DIXDC1: variants seen among roughly 807,000 people sequenced by gnomAD.
DIXDC1 encodes DIX domain containing 1, also known as dixin.
Under a neutral mutation model 103.1 loss-of-function variants are expected in DIXDC1, and 64 were observed. That is an observed-to-expected ratio of 0.62 (90% CI 0.51 to 0.76). The LOEUF (loss-of-function observed/expected upper bound fraction) is 0.76. Ranked by LOEUF, DIXDC1 falls within the 30% of genes least tolerant of loss-of-function variation. The pLI is 0.00. For synonymous variants in DIXDC1, 266 were observed against 298.5 expected, an observed-to-expected ratio of 0.89 and a Z score of 1.12; for missense variants, 759 against 834.2, an observed-to-expected ratio of 0.91 and a Z score of 1.11.
intron 3 of DIXDC1, among the ~76,000 whole-genome samples, chr11:111,971,943 G>A (rs1859950232): frequency 6.6e-6 from 1 of 152,074 alleles, no homozygotes; most frequent in African/African-American, 2.4e-5. Context: ...CATAAAGATG[G>A]GAACAATAGA....
intron 10 of DIXDC1, among the ~76,000 whole-genome samples, chr11:111,991,961 A>G (rs1158265709): frequency 6.6e-6 from 1 of 152,178 alleles, no homozygotes; most frequent in African/African-American, 2.4e-5. Flanking sequence ...AAAACAGCTA[A>G]TCTAGATTGA....
chr11:112,009,731 C>T (rs1592629040), intron 17 of DIXDC1, among the ~76,000 whole-genome samples: 7 of 152,138 alleles, frequency 4.6e-5, no homozygotes, highest in Admixed American at 4.6e-4. Flanking sequence ...TCAATAGATG[C>T]AGAAAAGGCC....
chr11:111,946,624 G>A (rs1289994700), intron 1 of DIXDC1: 7 of 235,142 alleles, frequency 3.0e-5, no homozygotes, highest in African/African-American at 1.6e-4. Context: ...GCCTCCCAAA[G>A]TGCTAGAATT....
chr11:111,982,526 T>C (rs782569503), intron 7 of DIXDC1, 39 bp downstream of exon 7: 1 of 1,598,754 alleles, frequency 6.3e-7, no homozygotes, highest in Non-Finnish European at 8.5e-7. Context: ...GTTATACCAA[T>C]TGATTATTAA....
intron 16 of DIXDC1, 33 bp from the exon 17 acceptor site, chr11:111,996,047 C>A: frequency 6.2e-7 from 1 of 1,607,368 alleles, no homozygotes; most frequent in South Asian, 1.1e-5. Flanking sequence ...TCTCATTGAT[C>A]ATAACTCTTG....
intron 11 of DIXDC1, 70 bp downstream of exon 11, chr11:111,992,589 AT>A: frequency 7.5e-7 from 1 of 1,331,800 alleles, no homozygotes; most frequent in Non-Finnish European, 1.0e-6. Flanking sequence ...ACGAAGAACT[AT>A]TAGACTGGCC....
chr11:111,966,432 C>A (rs2137514030), intron 2 of DIXDC1, among the ~76,000 whole-genome samples: 2 of 122,962 alleles, frequency 1.6e-5, no homozygotes, highest in Non-Finnish European at 1.6e-5. Flanking sequence ...GAGACGGAGT[C>A]TCGCTCTGTG....
chr11:111,939,172 CTGTT>C (rs1416650700), intron 1 of DIXDC1, among the ~76,000 whole-genome samples: 12 of 152,242 alleles, frequency 7.9e-5, no homozygotes, highest in Admixed American at 2.0e-4. Flanking sequence ...GTCCCACTGT[CTGTT>C]TAAGAGGAGG....
At chr11:111,964,181 G>T (rs962710440) in intron 1 of DIXDC1, among the ~76,000 whole-genome samples, 13 of 152,194 alleles carry the variant, frequency 8.5e-5, no homozygotes, top group Non-Finnish European at 1.8e-4. Flanking sequence ...GTTGCTGGCA[G>T]TCGTGAATAG....
At chr11:112,008,070 G>T (rs1861293177) in intron 17 of DIXDC1, among the ~76,000 whole-genome samples, 1 of 149,646 alleles carries the variant, frequency 6.7e-6, no homozygotes, top group South Asian at 2.1e-4. Context: ...CATATCACGT[G>T]CAGAGACACA....
At chr11:111,970,138 G>A (rs782272923) in intron 3 of DIXDC1, among the ~76,000 whole-genome samples, 4 of 152,100 alleles carry the variant, frequency 2.6e-5, no homozygotes, top group Admixed American at 1.3e-4. Context: ...TCACTGCAAC[G>A]TCCGCCTCCT....
At chr11:112,011,281 G>A (rs1168834510) in intron 17 of DIXDC1, among the ~76,000 whole-genome samples, 5 of 152,138 alleles carry the variant, frequency 3.3e-5, no homozygotes, top group African/African-American at 1.2e-4. Context: ...TTAGAGTGGC[G>A]ATCATTAAAA....
At chr11:112,007,277 A>G (rs951786666) in intron 17 of DIXDC1, among the ~76,000 whole-genome samples, 1 of 152,222 alleles carries the variant, frequency 6.6e-6, no homozygotes, top group African/African-American at 2.4e-5. Context: ...AAAAGCAACG[A>G]ACAAAGCCTC....
intron 2 of DIXDC1, among the ~76,000 whole-genome samples, chr11:111,966,405 T>G (rs1159011291): frequency 5.9e-5 from 8 of 135,030 alleles, no homozygotes; most frequent in South Asian, 2.3e-4. Context: ...GTATTTTTTT[T>G]TTTTTTTTTT....
At chr11:111,955,562 C>T (rs1555170488) in intron 1 of DIXDC1, among the ~76,000 whole-genome samples, 2 of 151,614 alleles carry the variant, frequency 1.3e-5, no homozygotes. Context: ...TGGCCCGGTG[C>T]GGTGGCTCAT....
rs985790475 is a variant in DIXDC1, at chr11:112,021,531, T to C, written c.*2495T>C. ...GGTGGCATTGGTGTGGGGTAGCTTG[T>C]CCTGCTACTTGCTAAAGTTCTCTTT... On this transcript the variant is annotated 3_prime_UTR_variant, in exon 20 of 20. Coordinates refer to ENST00000440460, the MANE Select transcript of DIXDC1 (RefSeq NM_001037954.4). 5 of 152,222 alleles carry C rather than the reference T, an allele frequency of 3.3e-5. No homozygotes were observed. Among genetic ancestry groups the C allele is most frequent in the Non-Finnish European group, 7.3e-5 (5 of 68,038 alleles). The allele number at this position is 152,222 out of a possible 1,614,324, so 9.4% of individuals were successfully genotyped here.
intron 1 of DIXDC1, among the ~76,000 whole-genome samples, chr11:111,949,446 A>G (rs1966703829): frequency 6.6e-6 from 1 of 152,166 alleles, no homozygotes. Flanking sequence ...CCTACATCCT[A>G]TCAGTCATCT....
chr11:111,964,512 T>C, intron 1 of DIXDC1, 37 bp from the exon 2 acceptor site: 1 of 1,561,930 alleles, frequency 6.4e-7, no homozygotes, highest in South Asian at 1.2e-5. Flanking sequence ...GAGATTAATA[T>C]GCTCTCTTTC....
rs782458664 is a variant in DIXDC1 at position 111,995,543 on chromosome 11, G to A, written c.1668G>A (p.Thr556=). The A allele has an allele frequency of 2.1e-5, 34 of 1,613,808 alleles. No homozygotes were observed. Among genetic ancestry groups the A allele is most frequent in the Non-Finnish European group, 2.6e-5 (31 of 1,179,900 alleles). The stretch of plus-strand genomic sequence containing the variant: ...TGGAGCGCCTGCATGTTATGGAGAC[G>A]CAGAAGAAACAAGAAAGAAAGGTAA... ...SLMERLHVME[T]QKKQERKVRV... is the part of the protein sequence containing the mutation. Residue 556 remains threonine (T), a synonymous_variant, in exon 16 of 20, where the codon ACG becomes ACA. Transcript: ENST00000440460.
Sources: allele counts gnomAD v4.1 joint callset (sites outside exome capture counted in the v4.1 genomes callset), GRCh38; gene constraint gnomAD v4.1.1; transcripts MANE v1.5; gene names NCBI Gene and HGNC (gene_info 2026-07-23, HGNC 2026-07-21).